The following DOK5 variants were observed in gnomAD, a reference collection of about 807,000 sequenced individuals.
DOK5 encodes the protein docking protein 5.
A neutral mutation model predicts 43.3 loss-of-function variants in DOK5; 27 were observed. The observed-to-expected ratio is 0.62, with a 90% confidence interval of 0.46 to 0.86. DOK5 has a LOEUF of 0.86. DOK5 is among the 40% of genes least tolerant of loss of function. The pLI, the probability that DOK5 is intolerant of heterozygous loss-of-function variation, is 0.00. For synonymous variants in DOK5, 146 were observed against 140.1 expected, an observed-to-expected ratio of 1.04 and a Z score of -0.30; for missense variants, 373 against 392.9, an observed-to-expected ratio of 0.95 and a Z score of 0.43.
chr20:54,597,490 C>T (rs920076733), intron 5 of DOK5, among the ~76,000 whole-genome samples: 2 of 152,144 alleles, frequency 1.3e-5, no homozygotes, highest in Non-Finnish European at 2.9e-5. Context: ...TATATGAAAG[C>T]CTCTGTACTA....
At chr20:54,574,562 T>C (rs1218541482) in intron 2 of DOK5, among the ~76,000 whole-genome samples, 1 of 152,168 alleles carries the variant, frequency 6.6e-6, no homozygotes. Context: ...TTGAACTTGC[T>C]CATATGACTA....
intron 1 of DOK5, among the ~76,000 whole-genome samples, chr20:54,503,905 A>G (rs1035032365): frequency 1.3e-5 from 2 of 152,182 alleles, no homozygotes; most frequent in African/African-American, 4.8e-5. Context: ...CCCCCAATCC[A>G]CCAACTTCAA....
intron 1 of DOK5, among the ~76,000 whole-genome samples, chr20:54,479,447 T>A (rs1189003566): frequency 6.6e-6 from 1 of 152,122 alleles, no homozygotes; most frequent in Non-Finnish European, 1.5e-5. Context: ...ACTAAAAATT[T>A]CTTTTTAGGG....
intron 1 of DOK5, among the ~76,000 whole-genome samples, chr20:54,551,284 G>A (rs6098078): frequency 0.02 from 3,084 of 152,156 alleles, 102 homozygotes; most frequent in African/African-American, 0.07. Context: ...AGGGTTCTTT[G>A]CCTATTCTAG....
chr20:54,602,227 T>C lies in DOK5; in HGVS notation c.600-8161T>C, dbSNP rs929391987. Among the ~76,000 whole-genome samples, 13 of 152,218 alleles carry C rather than the reference T, an allele frequency of 8.5e-5. 1 individual carries two copies. The East Asian group carries it at 2.5e-3, about 29-fold the overall frequency. On this transcript the variant is annotated intron_variant, in intron 5 of 7. Coordinates refer to ENST00000262593, the MANE Select transcript of DOK5 (RefSeq NM_018431.5). ...ATCCTTTGCTAAATACAAAATGCAA[T>C]CTCTCACCATTCTGTGTGGTTTGGG...
chr20:54,604,538 C>T (rs1414611062), intron 5 of DOK5, among the ~76,000 whole-genome samples: 1 of 152,156 alleles, frequency 6.6e-6, no homozygotes, highest in African/African-American at 2.4e-5. Flanking sequence ...CTCAGCTCCT[C>T]AAAGAGAAAG....
intron 1 of DOK5, among the ~76,000 whole-genome samples, chr20:54,533,949 T>C (rs1983866602): frequency 6.6e-6 from 1 of 152,232 alleles, no homozygotes; most frequent in Non-Finnish European, 1.5e-5. Context: ...AACCATACTA[T>C]AACTTATTTG....
At chr20:54,564,364 G>A (rs1985020612) in intron 2 of DOK5, among the ~76,000 whole-genome samples, 1 of 152,194 alleles carries the variant, frequency 6.6e-6, no homozygotes, top group South Asian at 2.1e-4. Flanking sequence ...CTGGGACGCG[G>A]AGCTTGCAGT....
At chr20:54,572,685 CT>C (rs377450732) in intron 2 of DOK5, among the ~76,000 whole-genome samples, 5 of 152,060 alleles carry the variant, frequency 3.3e-5, no homozygotes, top group South Asian at 2.1e-4. Context: ...AGGCAGCCCC[CT>C]TTTTTTTGTA....
At chr20:54,608,303 G>A (rs1176128181) in intron 5 of DOK5, among the ~76,000 whole-genome samples, 1 of 152,088 alleles carries the variant, frequency 6.6e-6, no homozygotes, top group Non-Finnish European at 1.5e-5. Context: ...GGAAACCAGT[G>A]GCCACTTTTT....
At position 54,479,791 on chromosome 20, in the gene DOK5, C is replaced by T. The variant is rs1288633539; in HGVS notation, c.66+3779C>T. Among the ~76,000 whole-genome samples the T allele has an allele frequency of 2.6e-5, 4 of 152,140 alleles. No individual in the cohort carries two copies. In the East Asian group the frequency reaches 7.7e-4, roughly 29 times the overall value. ...TGGATGACTCACAGACCTGCTGCTC[C>T]TAGAGTCCTCTCCATCTTAGCCACT... is the stretch of plus-strand genomic sequence containing the variant. On this transcript the variant is annotated intron_variant, in intron 1 of 7. Coordinates refer to ENST00000262593, the MANE Select transcript of DOK5 (RefSeq NM_018431.5).
At chr20:54,523,434 C>T (rs1983479940) in intron 1 of DOK5, among the ~76,000 whole-genome samples, 1 of 151,928 alleles carries the variant, frequency 6.6e-6, no homozygotes, top group South Asian at 2.1e-4. Flanking sequence ...GGCATGGTGG[C>T]CCATGCCTGT....
At chr20:54,488,063 C>G (rs760380091) in intron 1 of DOK5, among the ~76,000 whole-genome samples, 20 of 152,168 alleles carry the variant, frequency 1.3e-4, no homozygotes, top group Non-Finnish European at 2.9e-4. Flanking sequence ...AAAATTGACT[C>G]TTTATACTAA....
At chr20:54,578,106 A>T (rs1985512516) in intron 2 of DOK5, among the ~76,000 whole-genome samples, 1 of 152,194 alleles carries the variant, frequency 6.6e-6, no homozygotes, top group African/African-American at 2.4e-5. Flanking sequence ...AACCTCCAGG[A>T]TCACAAGTAT....
chr20:54,573,775 G>A (rs1014521907), intron 2 of DOK5, among the ~76,000 whole-genome samples: 3 of 151,398 alleles, frequency 2.0e-5, no homozygotes, highest in Non-Finnish European at 2.9e-5. Context: ...ATGACCTCTA[G>A]CATCACAATA....
intron 1 of DOK5, among the ~76,000 whole-genome samples, chr20:54,522,861 A>G (rs911551227): frequency 2.0e-5 from 3 of 151,976 alleles, no homozygotes; most frequent in East Asian, 1.9e-4. Context: ...TTACTTTTTC[A>G]TGATACTTTG....
intron 6 of DOK5, among the ~76,000 whole-genome samples, chr20:54,638,015 G>A (rs1431508335): frequency 6.6e-6 from 1 of 152,002 alleles, no homozygotes; most frequent in Non-Finnish European, 1.5e-5. Flanking sequence ...CCAGTGACTT[G>A]GGAGGCTGAG....
intron 1 of DOK5, among the ~76,000 whole-genome samples, chr20:54,497,423 A>C (rs1982443500): frequency 6.6e-6 from 1 of 152,238 alleles, no homozygotes; most frequent in African/African-American, 2.4e-5. Context: ...CTTGTAATTG[A>C]AGTGTAAACT....
intron 1 of DOK5, among the ~76,000 whole-genome samples, chr20:54,515,831 A>G (rs556655980): frequency 2.0e-5 from 3 of 152,352 alleles, no homozygotes; most frequent in Admixed American, 2.0e-4. Context: ...AACGTAGACT[A>G]ATAATAAATA....
Sources: gnomAD v4.1 joint callset for allele counts (sites outside exome capture counted in the v4.1 genomes callset) on GRCh38, gnomAD v4.1.1 for gene constraint, MANE v1.5 for transcripts, NCBI Gene and HGNC (gene_info 2026-07-23, HGNC 2026-07-21) for gene names.